ZNF777: variants seen among roughly 807,000 people sequenced by gnomAD.
ZNF777 encodes zinc finger protein 777.
Under a neutral mutation model 72.1 loss-of-function variants are expected in ZNF777, and 7 were observed. That is an observed-to-expected ratio of 0.10 (90% CI 0.06 to 0.18). The LOEUF is 0.18. Ranked by LOEUF, ZNF777 falls within the 10% of genes least tolerant of loss-of-function variation. The pLI is 1.00. For missense variants in ZNF777, 828 were observed against 1,128.6 expected (o/e 0.73, Z 3.82); for synonymous variants, 545 against 483.5 (o/e 1.13, Z -1.67).
intron 4 of ZNF777, among the ~76,000 whole-genome samples, chr7:149,443,950 C>T (rs996441632): frequency 6.6e-6 from 1 of 152,154 alleles, no homozygotes; most frequent in Non-Finnish European, 1.5e-5. Context: ...TCCTGCTCCC[C>T]GAAGCAATCA....
At position 149,460,179 on chromosome 7, in the gene ZNF777, T is replaced by TCGCCGCCGCGACTGC; in HGVS notation, c.-16+635_-16+636insGCAGTCGCGGCGGCG. On this transcript the variant is annotated intron_variant, in intron 1 of 5. Transcript: ENST00000247930. This position sits in a 1 kb window ranked among gnomAD's most constrained non-coding sequence, Gnocchi z 6.1. ...CGCTGTCCGGCCCGGGCCCCCGGAG[T>TCGCCGCCGCGACTGC]CGCCGCCGCTACTGCCGCCGCCGCT... The TCGCCGCCGCGACTGC allele has an allele frequency of 1.2e-6, 1 of 862,082 alleles. No homozygotes were observed. Among genetic ancestry groups the TCGCCGCCGCGACTGC allele is most frequent in the Non-Finnish European group, 1.4e-6 (1 of 721,052 alleles). The allele number at this position is 862,082 out of a possible 1,614,324, so 53.4% of individuals were successfully genotyped here.
chr7:149,452,988 C>T (rs1299247684), intron 3 of ZNF777, among the ~76,000 whole-genome samples: 2 of 152,234 alleles, frequency 1.3e-5, no homozygotes, highest in Non-Finnish European at 2.9e-5. Context: ...TCACGTGGAA[C>T]ACTGCACTGT....
chr7:149,432,157 G>T lies in ZNF777; in HGVS notation c.2115C>A (p.Arg705=). 1 of 1,604,670 alleles carries T rather than the reference G, an allele frequency of 6.2e-7. No individual in the cohort carries two copies. The highest frequency in any genetic ancestry group is 8.5e-7 in the Non-Finnish European group (1 of 1,179,840). The part of the protein sequence containing the change: ...ICSLCGKSFS[R]PSHLLRHQRT... Reference sequence around the variant, plus strand: ...GCTGGTGGCGCAGCAGGTGCGAGGGGCGGCTGAAGCTCTTGCCGCACAGGC... The same window carrying T: ...GCTGGTGGCGCAGCAGGTGCGAGGGTCGGCTGAAGCTCTTGCCGCACAGGC... The change falls in exon 6 of 6, where the codon CGC becomes CGA. Residue 705 remains arginine (R), a synonymous_variant. Transcript: ENST00000247930.
chr7:149,456,074 C>A, intron 1 of ZNF777, 37 bp from the exon 2 acceptor site: 2 of 1,501,688 alleles, frequency 1.3e-6, no homozygotes, highest in South Asian at 2.8e-5. Flanking sequence ...GGATTAAAGG[C>A]CACAGTCTCC....
intron 3 of ZNF777, 122 bp from the exon 4 acceptor site, chr7:149,451,234 A>G: frequency 1.3e-6 from 1 of 785,736 alleles, no homozygotes. Context: ...ACAATGGAAA[A>G]CCGCCAAGTC....
intron 4 of ZNF777, among the ~76,000 whole-genome samples, chr7:149,443,212 GAACACGACA>G (rs1309309981): frequency 6.8e-6 from 1 of 146,160 alleles, no homozygotes; most frequent in African/African-American, 2.6e-5. Flanking sequence ...CTATGAAAAA[GAACACGACA>G]AATTTATATA....
Position 149,455,777 on chromosome 7 carries a change from C to CAGG in ZNF777, c.243_245dup (p.Leu82dup). The CAGG allele has an allele frequency of 6.2e-7, 1 of 1,608,484 alleles. No individual in the cohort carries two copies. The highest frequency in any genetic ancestry group is 8.5e-7 in the Non-Finnish European group (1 of 1,177,034). ...TCTCTTGCTCAGAAGCGGCAGAACACAGGAGTGAGGGTCCCTTCTGGAGCA... is the reference window on the plus strand; with the variant it reads ...TCTCTTGCTCAGAAGCGGCAGAACACAGGAGGAGTGAGGGTCCCTTCTGGAGCA... On this transcript the variant is annotated inframe_insertion, in exon 2 of 6. Transcript: ENST00000247930. The surrounding 1 kb of genome is among the most constrained non-coding windows in gnomAD (Gnocchi z 4.2).
chr7:149,458,536 C>CAAAACAAAAT (rs1563241966), intron 1 of ZNF777, among the ~76,000 whole-genome samples: 1 of 152,020 alleles, frequency 6.6e-6, no homozygotes, highest in Admixed American at 6.6e-5. Flanking sequence ...CAAAACAAAA[C>CAAAACAAAAT]AAAACAAAAC....
intron 3 of ZNF777, among the ~76,000 whole-genome samples, chr7:149,453,322 A>G (rs1799760295): frequency 6.6e-6 from 1 of 152,228 alleles, no homozygotes; most frequent in Non-Finnish European, 1.5e-5. Flanking sequence ...AATGTATCCT[A>G]TGGAAAGGTA....
At chr7:149,452,595 T>G (rs967454303) in intron 3 of ZNF777, among the ~76,000 whole-genome samples, 3 of 145,806 alleles carry the variant, frequency 2.1e-5, no homozygotes, top group African/African-American at 5.2e-5. Context: ...ATCGTGCCAC[T>G]GCACTCCAGC....
At chr7:149,441,110 T>C (rs1318308649) in intron 4 of ZNF777, among the ~76,000 whole-genome samples, 1 of 152,216 alleles carries the variant, frequency 6.6e-6, no homozygotes, top group African/African-American at 2.4e-5. Flanking sequence ...CGCCAGCGTT[T>C]CCCACCAAAA....
intron 4 of ZNF777, among the ~76,000 whole-genome samples, chr7:149,448,140 C>T (rs555729211): frequency 1.8e-4 from 27 of 152,034 alleles, no homozygotes; most frequent in African/African-American, 6.0e-4. Context: ...ATTATTAGGT[C>T]AAATGTAAGA....
chr7:149,431,666 C>T lies in ZNF777; in HGVS notation c.*110G>A. On this transcript the variant is annotated 3_prime_UTR_variant, in exon 6 of 6. Coordinates refer to ENST00000247930, the MANE Select transcript of ZNF777 (RefSeq NM_015694.3). ...ACGAGAGGAGAGGGGGAGCTCACGG[C>T]AAAGGGGCTGGGGGGCGCCCCGCCC... is the stretch of plus-strand genomic sequence containing the variant. The T allele has an allele frequency of 2.8e-6, 3 of 1,072,886 alleles. No individual in the cohort carries two copies. Among genetic ancestry groups the T allele is most frequent in the Non-Finnish European group, 3.5e-6 (3 of 846,930 alleles). 66.5% of individuals were successfully genotyped at this position (1,072,886 alleles called of 1,614,324 possible).
At chr7:149,446,569 T>A (rs1051138178) in intron 4 of ZNF777, among the ~76,000 whole-genome samples, 2 of 152,234 alleles carry the variant, frequency 1.3e-5, no homozygotes, top group Non-Finnish European at 2.9e-5. Context: ...AGTTTTTTTT[T>A]AATCTACTTT....
chr7:149,437,973 A>G (rs1033953811), intron 4 of ZNF777, among the ~76,000 whole-genome samples: 4 of 151,456 alleles, frequency 2.6e-5, no homozygotes, highest in Non-Finnish European at 5.9e-5. Flanking sequence ...TCCGCCTCCC[A>G]ACTTCAAGCG....
At chr7:149,450,135 C>T (rs980331190) in intron 4 of ZNF777, among the ~76,000 whole-genome samples, 3 of 152,184 alleles carry the variant, frequency 2.0e-5, no homozygotes, top group South Asian at 2.1e-4. Flanking sequence ...CACCTGCCCA[C>T]GAAGGACAAG....
chr7:149,448,756 C>T (rs868406341), intron 4 of ZNF777, among the ~76,000 whole-genome samples: 2 of 151,920 alleles, frequency 1.3e-5, no homozygotes, highest in Middle Eastern at 3.4e-3. Flanking sequence ...TGCCAACTTG[C>T]TAGGTGAAGA....
intron 4 of ZNF777, among the ~76,000 whole-genome samples, chr7:149,442,352 T>C (rs1799535398): frequency 6.6e-6 from 1 of 150,392 alleles, no homozygotes; most frequent in African/African-American, 2.5e-5. Context: ...GCGTGGTGGC[T>C]CACGCCTGTA....
Position 149,455,521 on chromosome 7 carries a change from T to A in ZNF777, c.502A>T (p.Ile168Phe). 6.2e-7 allele frequency: 1 copy of A among 1,613,880 alleles called. No homozygotes were observed. Among genetic ancestry groups the A allele is most frequent in the Non-Finnish European group, 8.5e-7 (1 of 1,179,972 alleles). ...PVSQKDTPFQISSAVQKEQPL... is the reference protein window; with the variant it reads ...PVSQKDTPFQFSSAVQKEQPL... ...TGTTCCTTCTGGACTGCAGAAGAGA[T>A]CTGGAAAGGGGTGTCCTTTTGGGAA... The change falls in exon 2 of 6, where the codon ATC (isoleucine) becomes TTC (phenylalanine). Residue 168 changes from isoleucine (I) to phenylalanine (F), a missense_variant. Transcript: ENST00000247930. This position sits in a 1 kb window ranked among gnomAD's most constrained non-coding sequence, Gnocchi z 4.2.
Sources: allele counts gnomAD v4.1 joint callset (sites outside exome capture counted in the v4.1 genomes callset), GRCh38; gene constraint gnomAD v4.1.1; non-coding constraint Gnocchi (gnomAD v3.1); transcripts MANE v1.5; gene names NCBI Gene and HGNC (gene_info 2026-07-23, HGNC 2026-07-21).